IPO7: variants seen among roughly 807,000 people sequenced by gnomAD.
IPO7 encodes importin 7.
In IPO7, 13 loss-of-function variants were observed where a neutral mutation model predicts 136.4. That is an observed-to-expected ratio of 0.10 (90% confidence interval 0.06 to 0.15). IPO7 has a LOEUF of 0.15. IPO7 is among the 10% of genes least tolerant of loss of function. IPO7 has a pLI of 1.00. For missense variants in IPO7, 857 were observed against 1,240.6 expected, an observed-to-expected ratio of 0.69 and a Z score of 4.65; for synonymous variants, 403 against 404.4, an observed-to-expected ratio of 1.00 and a Z score of 0.04.
intron 20 of IPO7, 141 bp downstream of exon 20, chr11:9,436,507 A>G: frequency 5.3e-6 from 3 of 561,700 alleles, no homozygotes; most frequent in Admixed American, 6.8e-5. Context: ...TTTTAGTTCA[A>G]AATGTAACTA....
chr11:9,399,530 G>A (rs2133726682), intron 1 of IPO7, among the ~76,000 whole-genome samples: 1 of 152,306 alleles, frequency 6.6e-6, no homozygotes. Flanking sequence ...TGATGAAGAG[G>A]AAGGTGGTGA....
At chr11:9,422,905 T>G (rs1310821594) in intron 8 of IPO7, 101 bp from the exon 9 acceptor site, 1 of 611,326 alleles carries the variant, frequency 1.6e-6, no homozygotes, top group African/African-American at 1.8e-5. Context: ...TTCTTGATGA[T>G]GAGCTTGTCA....
chr11:9,404,118 T>C (rs1327566740), intron 2 of IPO7, among the ~76,000 whole-genome samples: 1 of 152,242 alleles, frequency 6.6e-6, no homozygotes, highest in Non-Finnish European at 1.5e-5. Flanking sequence ...GAAAAACAGA[T>C]TACATTTTTG....
intron 11 of IPO7, 69 bp from the exon 12 acceptor site, chr11:9,425,077 C>A: frequency 7.7e-7 from 1 of 1,298,816 alleles, no homozygotes; most frequent in South Asian, 1.2e-5. Flanking sequence ...TCATGTGAGT[C>A]ATTTTGTTAG....
intron 4 of IPO7, among the ~76,000 whole-genome samples, chr11:9,410,566 G>A (rs901636638): frequency 1.4e-5 from 2 of 143,806 alleles, no homozygotes; most frequent in Admixed American, 7.2e-5. Context: ...TGTGTTTTGG[G>A]GGATTCACAC....
intron 8 of IPO7, among the ~76,000 whole-genome samples, chr11:9,422,011 G>A (rs1855139169): frequency 6.6e-6 from 1 of 151,300 alleles, no homozygotes; most frequent in Admixed American, 6.6e-5. Context: ...CGGGCGCGGT[G>A]GCTCACGCCT....
intron 12 of IPO7, among the ~76,000 whole-genome samples, chr11:9,427,875 T>C (rs1055915382): frequency 3.3e-5 from 5 of 152,238 alleles, no homozygotes; most frequent in Admixed American, 2.6e-4. Flanking sequence ...GGGTCTCACA[T>C]TGCATTAAGT....
At chr11:9,395,363 C>T (rs1469237184) in intron 1 of IPO7, among the ~76,000 whole-genome samples, 1 of 152,134 alleles carries the variant, frequency 6.6e-6, no homozygotes, top group Non-Finnish European at 1.5e-5. Flanking sequence ...CCAGCCTCAG[C>T]CTCCTGAGTA....
At chr11:9,441,156 G>A (rs937948502) in intron 23 of IPO7, among the ~76,000 whole-genome samples, 1 of 152,028 alleles carries the variant, frequency 6.6e-6, no homozygotes, top group African/African-American at 2.4e-5. Context: ...AGCACTTTCG[G>A]CATAATCAAA....
chr11:9,393,646 G>GTGT lies in IPO7; in HGVS notation c.84+8802_84+8804dup, dbSNP rs1214454997. Reference sequence around the variant, plus strand: ...GATCCACCCTCCTCGGCCTCCCAAAGTGTTGGGATTACAGGCGTGAGCCAC... The same window carrying GTGT: ...GATCCACCCTCCTCGGCCTCCCAAAGTGTTGTTGGGATTACAGGCGTGAGCCAC... On this transcript the variant is annotated intron_variant, in intron 1 of 24. Transcript: ENST00000379719. Among the ~76,000 whole-genome samples, 3 of 152,150 alleles carry GTGT rather than the reference G, an allele frequency of 2.0e-5. No homozygotes were observed. In the East Asian group the frequency reaches 5.8e-4, roughly 29 times the overall value.
intron 6 of IPO7, chr11:9,420,188 C>A: frequency 2.2e-6 from 1 of 455,530 alleles, no homozygotes; most frequent in South Asian, 4.0e-5. Flanking sequence ...GTTGTGGCGG[C>A]CACCTGTAGT....
chr11:9,390,779 T>A (rs1167902896), intron 1 of IPO7, among the ~76,000 whole-genome samples: 1 of 4,090 alleles, frequency 2.4e-4, no homozygotes, highest in East Asian at 0.013. Flanking sequence ...CAAAAAAAAT[T>A]TTTTTTTTTA....
rs1199184975 is a variant in IPO7, at chr11:9,440,462, G to A, written c.2703G>A (p.Leu901=). 1 of 1,612,594 alleles carries A rather than the reference G, an allele frequency of 6.2e-7. No homozygotes were observed. Among genetic ancestry groups the A allele is most frequent in the Non-Finnish European group, 8.5e-7 (1 of 1,178,766 alleles). ...TATATTATGACTTGGCAGAGGAACTGGGGAGTGATGAAGATGATATTGATG... is the reference window on the plus strand; with the variant it reads ...TATATTATGACTTGGCAGAGGAACTAGGGAGTGATGAAGATGATATTGATG... ...EAEDDDETEE[L]GSDEDDIDED... Residue 901 remains leucine (L), a synonymous_variant, in exon 23 of 25, where the codon CTG becomes CTA. Transcript: ENST00000379719.
Position 9,417,947 on chromosome 11 carries a change from A to G in IPO7, c.726+799A>G, listed in dbSNP as rs560219211. Among the ~76,000 whole-genome samples, 479 of 148,858 alleles carry G rather than the reference A, an allele frequency of 3.2e-3. 5 individuals carry two copies. Among genetic ancestry groups the G allele is most frequent in the Non-Finnish European group, 5.0e-3 (329 of 65,886 alleles). On this transcript the variant is annotated intron_variant, in intron 6 of 24. Transcript: ENST00000379719. ...AGGCTGGTCTCAAACTTCTGAGCTCAGGTGATCCGCCCACCTTGGCCTCCC... is the reference window on the plus strand; with the variant it reads ...AGGCTGGTCTCAAACTTCTGAGCTCGGGTGATCCGCCCACCTTGGCCTCCC...
At chr11:9,415,621 G>A (rs989089710) in intron 5 of IPO7, among the ~76,000 whole-genome samples, 1 of 152,114 alleles carries the variant, frequency 6.6e-6, no homozygotes, top group African/African-American at 2.4e-5. Flanking sequence ...GGCGGATCAC[G>A]AGGTCAGGAG....
At chr11:9,438,932 A>G (rs1036969219) in intron 22 of IPO7, among the ~76,000 whole-genome samples, 8 of 129,948 alleles carry the variant, frequency 6.2e-5, no homozygotes, top group Non-Finnish European at 1.1e-4. Flanking sequence ...AATTATGTAT[A>G]TAATAATAGA....
chr11:9,443,916 T>TA (rs1353528260), intron 24 of IPO7, among the ~76,000 whole-genome samples: 2 of 150,218 alleles, frequency 1.3e-5, no homozygotes, highest in South Asian at 2.1e-4. Context: ...TGTAAAAACT[T>TA]ACGAAGTTAA....
chr11:9,427,687 TTATC>T (rs1171756664), intron 12 of IPO7, among the ~76,000 whole-genome samples: 1 of 152,214 alleles, frequency 6.6e-6, no homozygotes, highest in Non-Finnish European at 1.5e-5. Context: ...AAATTCAAGT[TTATC>T]TATTCTTACC....
At chr11:9,407,687 T>G (rs1854906559) in intron 2 of IPO7, among the ~76,000 whole-genome samples, 1 of 152,230 alleles carries the variant, frequency 6.6e-6, no homozygotes, top group African/African-American at 2.4e-5. Flanking sequence ...TTATCCTTGT[T>G]CAAATAAGTA....
Sources: allele counts gnomAD v4.1 joint callset (sites outside exome capture counted in the v4.1 genomes callset), GRCh38; gene constraint gnomAD v4.1.1; transcripts MANE v1.5; gene names NCBI Gene and HGNC (gene_info 2026-07-23, HGNC 2026-07-21).